MVK: variants seen among roughly 807,000 people sequenced by gnomAD.
The protein encoded by MVK is LH receptor mRNA-binding protein.
Under a neutral mutation model 43.2 loss-of-function variants are expected in MVK, and 34 were observed. The ratio of observed to expected loss-of-function variants is 0.79; its 90% CI spans 0.60 to 1.05. The LOEUF is 1.05. Among genes scored for constraint, MVK ranks in the 50% least tolerant of loss-of-function variants. The pLI, the probability that MVK is intolerant of heterozygous loss-of-function variation, is 0.00. For missense variants in MVK, 395 were observed against 504.0 expected, an observed-to-expected ratio of 0.78 and a Z score of 2.07; for synonymous variants, 190 against 219.8, an observed-to-expected ratio of 0.86 and a Z score of 1.20.
intron 2 of MVK, 149 bp from the exon 3 acceptor site, chr12:109,575,849 G>A (rs942120403): frequency 1.7e-5 from 16 of 941,528 alleles, no homozygotes; most frequent in African/African-American, 1.6e-4. Context: ...GGCTTAGTGG[G>A]AGAGCATGCC....
chr12:109,596,404 G>T, intron 10 of MVK, 22 bp from the exon 11 acceptor site: 2 of 1,611,080 alleles, frequency 1.2e-6, no homozygotes, highest in South Asian at 1.1e-5. Context: ...TGTCAAGGGT[G>T]ACCTGCCTTC....
rs104895315 is a variant in MVK, at chr12:109,591,262, C to T, written c.790C>T (p.Leu264Phe). ...CCAGTTCCCAGAGATCGTGGCCCCC[C>T]TCCTGACCTCAATAGATGCCATCTC... ...LLKFPEIVAP[L>F]LTSIDAISLE... The change falls in exon 9 of 11, where the codon CTC (leucine) becomes TTC (phenylalanine). Residue 264 changes from leucine to phenylalanine, a missense_variant. Coordinates refer to ENST00000228510, the MANE Select transcript of MVK (RefSeq NM_000431.4). 6.2e-7 allele frequency: 1 copy of T among 1,614,126 alleles called. No homozygotes were observed. Among genetic ancestry groups the T allele is most frequent in the East Asian group, 2.2e-5 (1 of 44,886 alleles).
At position 109,576,025 on chromosome 12, in the gene MVK, A is replaced by C; in HGVS notation, c.106A>C (p.Arg36=). 1 of 1,614,200 alleles carries C rather than the reference A, an allele frequency of 6.2e-7. No homozygotes were observed. The highest frequency in any genetic ancestry group is 8.5e-7 in the Non-Finnish European group (1 of 1,180,028). Residue 36 remains arginine (R), a synonymous_variant, in exon 3 of 11, where the codon AGA becomes CGA. Coordinates refer to ENST00000228510, the MANE Select transcript of MVK (RefSeq NM_000431.4). Reference sequence around the variant, plus strand: ...AGCACTGGCTGTATCCTTGAACTTGAGAACATTCCTCCGGCTTCAACCCCA... The same window carrying C: ...AGCACTGGCTGTATCCTTGAACTTGCGAACATTCCTCCGGCTTCAACCCCA... The part of the protein sequence containing the change: ...KVALAVSLNL[R]TFLRLQPHSN...
chr12:109,590,651 C>A, intron 7 of MVK, 120 bp from the exon 8 acceptor site: 1 of 859,592 alleles, frequency 1.2e-6, no homozygotes, highest in Non-Finnish European at 2.0e-6. Context: ...TCCAGTGTCA[C>A]CTCTTGTGCC....
intron 8 of MVK, 65 bp downstream of exon 8, chr12:109,590,926 C>T (rs570658686): frequency 5.8e-6 from 9 of 1,538,906 alleles, no homozygotes; most frequent in African/African-American, 2.7e-5. Context: ...TCTGGATTTT[C>T]GAGGTCTCCC....
At chr12:109,581,797 C>G (rs1885229900) in intron 5 of MVK, among the ~76,000 whole-genome samples, 2 of 152,204 alleles carry the variant, frequency 1.3e-5, no homozygotes, top group Non-Finnish European at 1.5e-5. Flanking sequence ...TCTGCTCACC[C>G]CCATCTTGGC....
rs200457031 is a variant in MVK at position 109,581,507 on chromosome 12, G to A, written c.484G>A (p.Glu162Lys). 6.2e-6 allele frequency: 10 copies of A among 1,614,094 alleles called. No homozygotes were observed. In the East Asian group the frequency reaches 6.7e-5, roughly 11 times the overall value. ...GGCAGCAGCCCTCCTGACTGTGTGC[G>A]AGGAGATCCCAAACCCGCTGAAGGA... Reference protein sequence around the residue: ...CLAAALLTVCEEIPNPLKDGD... With the variant: ...CLAAALLTVCKEIPNPLKDGD... The change falls in exon 5 of 11, where the codon GAG (glutamate) becomes AAG (lysine). Residue 162 changes from glutamate (E) to lysine (K), a missense_variant. Coordinates refer to ENST00000228510, the MANE Select transcript of MVK (RefSeq NM_000431.4).
rs104895353 is a variant in MVK at position 109,591,303 on chromosome 12, C to T, written c.831C>T (p.Arg277=). 4,811 of 1,614,206 alleles carry T rather than the reference C, an allele frequency of 3.0e-3. 63 individuals are homozygous for T. In the African/African-American group the frequency reaches 0.031, roughly 10 times the overall value. ...SIDAISLECE[R]VLGEMGEAPA... ...ATGCCATCTCCCTGGAGTGTGAGCG[C>T]GTGCTGGGAGAGATGGGGGAAGCCC... The change falls in exon 9 of 11, where the codon CGC becomes CGT. Residue 277 remains arginine, a synonymous_variant. Coordinates refer to ENST00000228510, the MANE Select transcript of MVK (RefSeq NM_000431.4).
chr12:109,591,010 G>C, intron 8 of MVK, 149 bp downstream of exon 8: 2 of 965,716 alleles, frequency 2.1e-6, no homozygotes, highest in Non-Finnish European at 3.2e-6. Context: ...AGAAAAGAAG[G>C]TACCGTCCGT....
chr12:109,583,458 A>G (rs1262696504), intron 5 of MVK, among the ~76,000 whole-genome samples: 5 of 152,194 alleles, frequency 3.3e-5, no homozygotes, highest in Non-Finnish European at 7.3e-5. Context: ...ATAGTGTTCC[A>G]TGGTGTATAT....
chr12:109,597,145 C>A lies in MVK; in HGVS notation c.*568C>A. 5.4e-6 allele frequency: 1 copy of A among 183,594 alleles called. No homozygotes were observed. The highest frequency in any genetic ancestry group is 1.2e-5 in the Non-Finnish European group (1 of 85,550). 11.4% of individuals were successfully genotyped at this position (183,594 alleles called of 1,614,324 possible). The stretch of plus-strand genomic sequence containing the variant: ...GGGATGGGGCTCCCCCAGGGGCTGT[C>A]CCGGAGGCGGTGGGCCTGGTTAAAT... On this transcript the variant is annotated 3_prime_UTR_variant, in exon 11 of 11. Transcript: ENST00000228510.
chr12:109,579,406 C>T, intron 3 of MVK: 1 of 354,892 alleles, frequency 2.8e-6, no homozygotes, highest in Non-Finnish European at 5.6e-6. Flanking sequence ...TCCCAAAGTA[C>T]TGGGGTTACA....
chr12:109,575,882 C>T (rs1433264808), intron 2 of MVK, 116 bp from the exon 3 acceptor site: 1 of 1,244,662 alleles, frequency 8.0e-7, no homozygotes, highest in East Asian at 2.3e-5. Flanking sequence ...CAGTGTCTGG[C>T]AAGGGCATGG....
chr12:109,578,694 C>T (rs2136222757), intron 3 of MVK, among the ~76,000 whole-genome samples: 1 of 152,310 alleles, frequency 6.6e-6, no homozygotes, highest in South Asian at 2.1e-4. Context: ...CATGACTTGG[C>T]CATTTGAGTA....
At chr12:109,593,590 CCT>C (rs1346325108) in intron 9 of MVK, among the ~76,000 whole-genome samples, 1 of 152,160 alleles carries the variant, frequency 6.6e-6, no homozygotes, top group East Asian at 1.9e-4. Context: ...CTTCTCTGAG[CCT>C]CTGTTTCCCC....
At chr12:109,592,796 C>T (rs1416217132) in intron 9 of MVK, among the ~76,000 whole-genome samples, 4 of 152,186 alleles carry the variant, frequency 2.6e-5, no homozygotes, top group Non-Finnish European at 2.9e-5. Context: ...GCCAGGGCAG[C>T]GCCTCCATCG....
chr12:109,596,921 A>C lies in MVK; in HGVS notation c.*344A>C, dbSNP rs974772518. 7.6e-6 allele frequency: 3 copies of C among 392,540 alleles called. No individual in the cohort carries two copies. The highest frequency in any genetic ancestry group is 4.1e-5 in the African/African-American group (2 of 48,790). 24.3% of individuals were successfully genotyped at this position (392,540 alleles called of 1,614,324 possible). ...TGTTCTTCCTGGCCGCCTGGGTCCA[A>C]TGCTCAGGTGCTGGGGCCTGGTTCC... On this transcript the variant is annotated 3_prime_UTR_variant, in exon 11 of 11. Transcript: ENST00000228510.
In MVK at chr12:109,586,086, G is replaced by A. The variant is rs202172198; in HGVS notation, c.592G>A (p.Gly198Arg). The A allele has an allele frequency of 7.4e-6, 12 of 1,614,186 alleles. No individual in the cohort carries two copies. The highest frequency in any genetic ancestry group is 5.5e-5 in the South Asian group (5 of 91,082). The change falls in exon 6 of 11, where the codon GGG becomes AGG. Residue 198 changes from glycine (G) to arginine (R), a missense_variant. By Grantham distance (125) the Gly-to-Arg change is moderately radical. Transcript: ENST00000228510. ...CTTCCAAGGGGAGAGAATGATTCAC[G>A]GGAACCCCTCCGGAGTGGACAATGC... The part of the protein sequence containing the change: ...WAFQGERMIH[G>R]NPSGVDNAVS...
At chr12:109,583,509 T>C (rs1326875027) in intron 5 of MVK, among the ~76,000 whole-genome samples, 4 of 152,210 alleles carry the variant, frequency 2.6e-5, no homozygotes, top group Non-Finnish European at 5.9e-5. Context: ...TGTTGGACAT[T>C]TGGGTGGGTT....
Sources: gnomAD v4.1 joint callset for allele counts (sites outside exome capture counted in the v4.1 genomes callset) on GRCh38, gnomAD v4.1.1 for gene constraint, MANE v1.5 for transcripts, NCBI Gene and HGNC (gene_info 2026-07-23, HGNC 2026-07-21) for gene names.